Variants in STRN3 observed in about 807,000 individuals in gnomAD.
STRN3 encodes the protein striatin 3.
A neutral mutation model predicts 95.6 loss-of-function variants in STRN3; 29 were observed. That is an observed-to-expected ratio of 0.30 (90% CI 0.23 to 0.41). The LOEUF (loss-of-function observed/expected upper bound fraction) is 0.41, where lower values mean the gene tolerates loss of function less well. STRN3 is among the 10% of genes least tolerant of loss of function. The pLI is 1.00. For synonymous variants in STRN3, 331 were observed against 357.6 expected (o/e 0.93, Z 0.84); for missense variants, 890 against 972.1 (o/e 0.92, Z 1.12).
At chr14:30,997,860 C>G (rs143595753) in intron 1 of STRN3, among the ~76,000 whole-genome samples, 204 of 152,232 alleles carry the variant, frequency 1.3e-3, no homozygotes, top group African/African-American at 4.6e-3. Context: ...GAAAATCTCT[C>G]CTTCATAAAA....
At chr14:31,013,153 A>G (rs936087500) in intron 1 of STRN3, among the ~76,000 whole-genome samples, 3 of 151,710 alleles carry the variant, frequency 2.0e-5, no homozygotes, top group African/African-American at 7.3e-5. Context: ...CTGTAGTCCC[A>G]AACTTTGGAG....
chr14:30,946,502 C>A (rs1307264321), intron 5 of STRN3, among the ~76,000 whole-genome samples: 1 of 152,142 alleles, frequency 6.6e-6, no homozygotes, highest in Non-Finnish European at 1.5e-5. Context: ...CGACAGCACA[C>A]CAGTGCACTC....
At chr14:31,000,506 C>G (rs143839137) in intron 1 of STRN3, among the ~76,000 whole-genome samples, 1,267 of 81,752 alleles carry the variant, frequency 0.015, 20 homozygotes, top group African/African-American at 0.051. Context: ...CAAGTCACTG[C>G]AAGAATCTTT....
chr14:30,896,116 A>G (rs1296844417), intron 16 of STRN3, among the ~76,000 whole-genome samples: 1 of 152,210 alleles, frequency 6.6e-6, no homozygotes, highest in Admixed American at 6.5e-5. Flanking sequence ...CTCATACAAT[A>G]CGTGGCTTTT....
intron 14 of STRN3, 86 bp downstream of exon 14, chr14:30,906,791 A>G (rs1566427863): frequency 1.5e-6 from 2 of 1,330,660 alleles, no homozygotes; most frequent in South Asian, 3.2e-5. Flanking sequence ...TTGGAACAGT[A>G]AAGAAATACA....
At chr14:30,975,178 G>A (rs1215508726) in intron 1 of STRN3, among the ~76,000 whole-genome samples, 1 of 149,998 alleles carries the variant, frequency 6.7e-6, no homozygotes, top group Non-Finnish European at 1.5e-5. Flanking sequence ...ATCAACCAAC[G>A]AGTGGATAAA....
At chr14:30,974,636 T>C (rs1359344609) in intron 1 of STRN3, among the ~76,000 whole-genome samples, 1 of 137,918 alleles carries the variant, frequency 7.3e-6, no homozygotes. Context: ...TTGAAAATGA[T>C]GAATAAATAA....
chr14:30,951,980 T>C (rs1282774883), intron 3 of STRN3, among the ~76,000 whole-genome samples: 1 of 152,044 alleles, frequency 6.6e-6, no homozygotes, highest in Non-Finnish European at 1.5e-5. Context: ...TAGCCAGGTA[T>C]GGCGGCACAT....
chr14:30,962,422 G>A (rs1011396779), intron 1 of STRN3, among the ~76,000 whole-genome samples: 19 of 152,180 alleles, frequency 1.2e-4, no homozygotes, highest in Admixed American at 1.1e-3. Flanking sequence ...ATCTACAAGA[G>A]AGACAATGCC....
At chr14:30,919,865 A>G (rs1376579374) in intron 8 of STRN3, among the ~76,000 whole-genome samples, 2 of 152,188 alleles carry the variant, frequency 1.3e-5, no homozygotes, top group African/African-American at 4.8e-5. Flanking sequence ...ATTGTGGAAT[A>G]TTCTTTAACT....
chr14:30,967,241 T>TGGG (rs541103492), intron 1 of STRN3, among the ~76,000 whole-genome samples: 25 of 21,984 alleles, frequency 1.1e-3, no homozygotes, highest in Admixed American at 2.0e-3. Flanking sequence ...TGGGGCAGGG[T>TGGG]GGGGGGGAAG....
intron 1 of STRN3, among the ~76,000 whole-genome samples, chr14:30,960,683 C>CA (rs1265042849): frequency 6.6e-6 from 1 of 151,604 alleles, no homozygotes; most frequent in Non-Finnish European, 1.5e-5. Context: ...TCCTGGCTAA[C>CA]ACGGTGAAAC....
At chr14:31,013,714 C>T (rs1043490705) in intron 1 of STRN3, among the ~76,000 whole-genome samples, 1 of 151,636 alleles carries the variant, frequency 6.6e-6, no homozygotes, top group Non-Finnish European at 1.5e-5. Context: ...TCCCCTGAGC[C>T]TCCAAAGCTA....
At position 30,931,552 on chromosome 14, in the gene STRN3, T is replaced by C. The variant is rs117197399; in HGVS notation, c.989-2241A>G. On this transcript the variant is annotated intron_variant, in intron 7 of 17. Transcript: ENST00000357479. ...GTAACTAACTTTATGCAAATACTCA[T>C]ACTTTATCAATTATACTTAAGTACA... Among the ~76,000 whole-genome samples, 805 of 152,320 alleles carry C rather than the reference T, an allele frequency of 5.3e-3. 5 individuals are homozygous for C. Among genetic ancestry groups the C allele is most frequent in the Middle Eastern group, 0.02 (6 of 294 alleles).
chr14:31,011,459 T>C (rs1447410041), intron 1 of STRN3, among the ~76,000 whole-genome samples: 1 of 152,108 alleles, frequency 6.6e-6, no homozygotes, highest in African/African-American at 2.4e-5. Context: ...TTAGCTAATA[T>C]GGCAAAACCT....
At chr14:31,024,117 T>C (rs1383971005) in intron 1 of STRN3, among the ~76,000 whole-genome samples, 2 of 152,178 alleles carry the variant, frequency 1.3e-5, no homozygotes, top group African/African-American at 4.8e-5. Context: ...GTTTTACTAA[T>C]TTGGGCACAA....
intron 1 of STRN3, among the ~76,000 whole-genome samples, chr14:30,966,250 C>A (rs1880500638): frequency 6.6e-6 from 1 of 152,214 alleles, no homozygotes; most frequent in African/African-American, 2.4e-5. Flanking sequence ...CCTTCCCCTC[C>A]CTTGTCCAAG....
chr14:31,000,071 C>T (rs1882374251), intron 1 of STRN3, among the ~76,000 whole-genome samples: 1 of 152,080 alleles, frequency 6.6e-6, no homozygotes, highest in African/African-American at 2.4e-5. Flanking sequence ...AAATTATTCC[C>T]ATATTAAAAC....
At position 31,019,976 on chromosome 14, in the gene STRN3, A is replaced by G. The variant is rs192692333; in HGVS notation, c.282+5928T>C. Among the ~76,000 whole-genome samples the G allele has an allele frequency of 7.3e-4, 111 of 151,102 alleles. 1 individual carries two copies. Among genetic ancestry groups the G allele is most frequent in the African/African-American group, 2.6e-3 (106 of 41,126 alleles). Reference sequence around the variant, plus strand: ...GGGCTCAAGTGATCCTCCCATTTCAACCTCCCAAAGCGCTGGGATTACAAG... The same window carrying G: ...GGGCTCAAGTGATCCTCCCATTTCAGCCTCCCAAAGCGCTGGGATTACAAG... On this transcript the variant is annotated intron_variant, in intron 1 of 17. Coordinates refer to ENST00000357479, the MANE Select transcript of STRN3 (RefSeq NM_001083893.2).
Sources: allele counts gnomAD v4.1 joint callset (sites outside exome capture counted in the v4.1 genomes callset), GRCh38; gene constraint gnomAD v4.1.1; transcripts MANE v1.5; gene names NCBI Gene and HGNC (gene_info 2026-07-23, HGNC 2026-07-21).